The following AGBL4 variants were observed in gnomAD, a reference collection of about 807,000 sequenced individuals.
The protein encoded by AGBL4 is cytosolic carboxypeptidase 6.
In AGBL4, 58 loss-of-function variants were observed where a neutral mutation model predicts 66.4. The ratio of observed to expected loss-of-function variants is 0.87; its 90% CI spans 0.71 to 1.09. The LOEUF (loss-of-function observed/expected upper bound fraction) is 1.09. Among genes scored for constraint, AGBL4 ranks in the 50% least tolerant of loss-of-function variants. The pLI, the probability that AGBL4 is intolerant of heterozygous loss-of-function variation, is 0.00. For missense variants in AGBL4, 579 were observed against 631.0 expected (o/e 0.92, Z 0.88); for synonymous variants, 234 against 222.9 (o/e 1.05, Z -0.44).
intron 7 of AGBL4, among the ~76,000 whole-genome samples, chr1:48,656,168 A>G (rs1397798082): frequency 6.6e-6 from 1 of 152,252 alleles, no homozygotes; most frequent in Non-Finnish European, 1.5e-5. Context: ...GTGGTAGAGG[A>G]TTTGAAATTA....
At chr1:48,912,390 T>G (rs768102539) in intron 5 of AGBL4, among the ~76,000 whole-genome samples, 1 of 152,180 alleles carries the variant, frequency 6.6e-6, no homozygotes. Context: ...AAATGAAGGT[T>G]GCCAGTTGAA....
intron 3 of AGBL4, among the ~76,000 whole-genome samples, chr1:49,249,810 G>T (rs951993738): frequency 6.6e-6 from 1 of 152,130 alleles, no homozygotes; most frequent in Non-Finnish European, 1.5e-5. Flanking sequence ...TCAGGATATG[G>T]AATCAACCTA....
At chr1:49,540,370 T>C (rs140427690) in intron 3 of AGBL4, among the ~76,000 whole-genome samples, 1 of 152,352 alleles carries the variant, frequency 6.6e-6, no homozygotes, top group East Asian at 1.9e-4. Context: ...CTAACTCAAA[T>C]GCCAACTCCT....
At chr1:49,027,645 G>C (rs1250280584) in intron 5 of AGBL4, among the ~76,000 whole-genome samples, 2 of 151,904 alleles carry the variant, frequency 1.3e-5, no homozygotes, top group East Asian at 3.9e-4. Flanking sequence ...CCTTGGGAGG[G>C]GCAGGCCACA....
rs188888890 is a variant in AGBL4 at position 49,654,658 on chromosome 1, A to T, written c.282+42655T>A. On this transcript the variant is annotated intron_variant, in intron 3 of 13. Transcript: ENST00000371839. ...ATAGTTAGCTCTTCTTGTTGAATTGATCGCTTTATCATTATATAATGGCCT... is the reference window on the plus strand; with the variant it reads ...ATAGTTAGCTCTTCTTGTTGAATTGTTCGCTTTATCATTATATAATGGCCT... Among the ~76,000 whole-genome samples the T allele has an allele frequency of 4.6e-5, 7 of 152,256 alleles. No individual in the cohort carries two copies. The East Asian group carries it at 1.4e-3, about 29-fold the overall frequency.
intron 4 of AGBL4, among the ~76,000 whole-genome samples, chr1:49,197,154 G>C (rs1647301297): frequency 6.6e-6 from 1 of 152,094 alleles, no homozygotes; most frequent in Admixed American, 6.6e-5. Flanking sequence ...GGGCCTTTTG[G>C]CTTTGTTTCT....
intron 3 of AGBL4, among the ~76,000 whole-genome samples, chr1:49,595,903 A>G (rs944042246): frequency 2.6e-5 from 4 of 152,124 alleles, no homozygotes; most frequent in African/African-American, 7.2e-5. Flanking sequence ...TCAGCCTAGG[A>G]GCACTTAAAC....
chr1:49,401,919 T>C (rs1645094410), intron 3 of AGBL4, among the ~76,000 whole-genome samples: 1 of 152,178 alleles, frequency 6.6e-6, no homozygotes, highest in Non-Finnish European at 1.5e-5. Context: ...AGGTTTTGTG[T>C]CTAGGAATTT....
chr1:49,854,693 C>T (rs111952812), intron 1 of AGBL4, among the ~76,000 whole-genome samples: 9 of 152,270 alleles, frequency 5.9e-5, no homozygotes, highest in African/African-American at 1.7e-4. Flanking sequence ...CATTATGATG[C>T]CTGCTGGACC....
chr1:48,943,440 C>G (rs1656186021), intron 5 of AGBL4, among the ~76,000 whole-genome samples: 1 of 152,166 alleles, frequency 6.6e-6, no homozygotes, highest in Non-Finnish European at 1.5e-5. Context: ...TTCAAGACTA[C>G]AATGGCTATT....
At chr1:48,655,543 T>A (rs1311088377) in intron 7 of AGBL4, among the ~76,000 whole-genome samples, 2 of 152,218 alleles carry the variant, frequency 1.3e-5, no homozygotes, top group Non-Finnish European at 2.9e-5. Flanking sequence ...AGTTTTCTCA[T>A]CTTGATATAG....
chr1:49,824,502 T>C (rs925930171), intron 2 of AGBL4, among the ~76,000 whole-genome samples: 3 of 152,194 alleles, frequency 2.0e-5, no homozygotes, highest in Admixed American at 6.5e-5. Flanking sequence ...TGATTGATAA[T>C]GAAAAGCTTA....
At chr1:49,268,086 TC>T (rs2148379441) in intron 3 of AGBL4, 1 of 152,252 alleles carries the variant, frequency 6.6e-6, no homozygotes, top group African/African-American at 2.4e-5. Flanking sequence ...AAACAGGTTC[TC>T]CTTCCTGCGT....
chr1:49,512,084 T>G (rs917615611), intron 3 of AGBL4, among the ~76,000 whole-genome samples: 32 of 152,106 alleles, frequency 2.1e-4, no homozygotes, highest in African/African-American at 7.5e-4. Context: ...ATAAAGTTCT[T>G]ATTCTATTCG....
intron 3 of AGBL4, among the ~76,000 whole-genome samples, chr1:49,461,291 C>T (rs1246452420): frequency 6.6e-6 from 1 of 151,316 alleles, no homozygotes; most frequent in East Asian, 2.0e-4. Context: ...AGGCTTTGTT[C>T]ATTTAAAATT....
At position 49,497,815 on chromosome 1, in the gene AGBL4, C is replaced by G. The variant is rs547822441; in HGVS notation, c.282+199498G>C. ...TTTTAAAATCATGTAGTGTGATGCC[C>G]CCAGCTGTTCTTTTTGCTCAAGGTT... On this transcript the variant is annotated intron_variant, in intron 3 of 13. Transcript: ENST00000371839. 5.3e-5 allele frequency among the ~76,000 whole-genome samples: 8 copies of G among 151,984 alleles called. No homozygotes were observed. In the South Asian group the frequency reaches 1.7e-3, roughly 32 times the overall value.
intron 2 of AGBL4, chr1:49,844,770 G>A (rs2148048066): frequency 1.6e-5 from 26 of 1,586,240 alleles, no homozygotes; most frequent in Non-Finnish European, 2.2e-5. Context: ...ATGTCATCTT[G>A]GTAGAAAGAT....
chr1:48,631,751 G>C (rs901590923), intron 9 of AGBL4, among the ~76,000 whole-genome samples: 5 of 152,050 alleles, frequency 3.3e-5, no homozygotes, highest in Admixed American at 1.3e-4. Context: ...GAACAATTTC[G>C]GGAGTGAAAA....
chr1:49,103,743 T>A (rs1645244166), intron 4 of AGBL4, among the ~76,000 whole-genome samples: 1 of 152,162 alleles, frequency 6.6e-6, no homozygotes, highest in Admixed American at 6.5e-5. Flanking sequence ...CCTAGGGAAA[T>A]TTGGATACAG....
Sources: gnomAD v4.1 joint callset for allele counts (sites outside exome capture counted in the v4.1 genomes callset) on GRCh38, gnomAD v4.1.1 for gene constraint, MANE v1.5 for transcripts, NCBI Gene and HGNC (gene_info 2026-07-23, HGNC 2026-07-21) for gene names.